C10orf143: variants seen among roughly 807,000 people sequenced by gnomAD.
C10orf143 encodes the protein chromosome 10 open reading frame 143, also known as uncharacterized protein C10orf143.
In C10orf143 at chr10:130,064,101, G is replaced by T. The variant is rs568269412; in HGVS notation, c.*253C>A. On this transcript the variant is annotated 3_prime_UTR_variant, in exon 4 of 4. Coordinates refer to ENST00000637128, the MANE Select transcript of C10orf143 (RefSeq NM_001355042.2). Reference sequence around the variant, plus strand: ...ATCTCCCTCTCAACCAGGAACATTCGAAAGGAGGCTGTAGTACGTAGTAAG... The same window carrying T: ...ATCTCCCTCTCAACCAGGAACATTCTAAAGGAGGCTGTAGTACGTAGTAAG... 167 of 355,082 alleles carry T rather than the reference G, an allele frequency of 4.7e-4. No individual in the cohort carries two copies. Among genetic ancestry groups the T allele is most frequent in the African/African-American group, 3.4e-3 (161 of 47,812 alleles). The allele number at this position is 355,082 out of a possible 1,614,324, so 22.0% of individuals were successfully genotyped here. A position where few individuals can be genotyped will look rare whatever the true frequency, so the allele number is the denominator to read the frequency against.
At chr10:130,038,192 AC>A (rs1280910935) in intron 3 of C10orf143, among the ~76,000 whole-genome samples, 2 of 152,128 alleles carry the variant, frequency 1.3e-5, no homozygotes, top group Admixed American at 6.5e-5. Flanking sequence ...GGAGGCATGG[AC>A]CCTGCAGCAA....
chr10:130,040,950 C>T (rs956399111), intron 3 of C10orf143, among the ~76,000 whole-genome samples: 3 of 152,288 alleles, frequency 2.0e-5, no homozygotes, highest in Admixed American at 6.5e-5. Context: ...GGAGCACTCC[C>T]GGGCATGAAC....
At chr10:130,037,121 T>C (rs1388859803) in intron 3 of C10orf143, among the ~76,000 whole-genome samples, 5 of 152,130 alleles carry the variant, frequency 3.3e-5, no homozygotes, top group African/African-American at 4.8e-5. Flanking sequence ...CAGATGACAC[T>C]GAAGAGTGCC....
intron 3 of C10orf143, among the ~76,000 whole-genome samples, chr10:130,052,086 AGTCTC>A (rs1860743487): frequency 2.1e-5 from 1 of 47,182 alleles, no homozygotes; most frequent in Non-Finnish European, 4.2e-5. Context: ...CCTAGTTAAG[AGTCTC>A]ATCTCCCTCT....
rs775472609 is a variant in C10orf143 at position 130,108,168 on chromosome 10, G to T, written c.69+2536C>A. Reference sequence around the variant, plus strand: ...CCACTGTTTCCAGTGGATACAAGGGGCCCGTTCATGAGAAGAGCACCTCCT... The same window carrying T: ...CCACTGTTTCCAGTGGATACAAGGGTCCCGTTCATGAGAAGAGCACCTCCT... On this transcript the variant is annotated intron_variant, in intron 1 of 3. Coordinates refer to ENST00000637128, the MANE Select transcript of C10orf143 (RefSeq NM_001355042.2). 13 of 1,577,584 alleles carry T rather than the reference G, an allele frequency of 8.2e-6. No homozygotes were observed. In the Admixed American group the frequency reaches 1.5e-4, roughly 18 times the overall value.
intron 1 of C10orf143, among the ~76,000 whole-genome samples, chr10:130,094,717 G>C (rs1861436457): frequency 6.6e-6 from 1 of 152,160 alleles, no homozygotes; most frequent in Admixed American, 6.5e-5. Context: ...GGTACTGATG[G>C]AATGTATTTC....
chr10:130,059,206 T>A (rs1860828262), downstream of C10orf143, among the ~76,000 whole-genome samples: 1 of 152,062 alleles, frequency 6.6e-6, no homozygotes, highest in South Asian at 2.1e-4. Context: ...TCATGTAATG[T>A]AGATGACCTT....
At chr10:130,077,304 CAGA>C (rs770413209) in intron 3 of C10orf143, among the ~76,000 whole-genome samples, 2 of 152,054 alleles carry the variant, frequency 1.3e-5, no homozygotes, top group Non-Finnish European at 2.9e-5. Context: ...AGCTTAGGAA[CAGA>C]AGGACCACCA....
chr10:130,036,329 G>C (rs1198697202), intron 3 of C10orf143, among the ~76,000 whole-genome samples: 1 of 152,188 alleles, frequency 6.6e-6, no homozygotes, highest in African/African-American at 2.4e-5. Flanking sequence ...GGCCCGATAG[G>C]TCATGGACAC....
downstream of C10orf143, among the ~76,000 whole-genome samples, chr10:130,062,168 C>T (rs1860864947): frequency 6.6e-6 from 1 of 152,150 alleles, no homozygotes; most frequent in Non-Finnish European, 1.5e-5. Flanking sequence ...ATGTTGCCAT[C>T]CCCCTTTTTA....
intron 1 of C10orf143, chr10:130,107,262 T>G (rs771764582): frequency 1.7e-6 from 2 of 1,204,496 alleles, no homozygotes; most frequent in Non-Finnish European, 2.5e-6. Context: ...AATAGCCGGT[T>G]AGAGAAAGAA....
chr10:130,055,180 A>C (rs1390706418), intron 3 of C10orf143, among the ~76,000 whole-genome samples: 1 of 152,240 alleles, frequency 6.6e-6, no homozygotes, highest in East Asian at 1.9e-4. Flanking sequence ...AACAGAGAGA[A>C]GGTTTCATGA....
At chr10:130,058,210 C>A (rs1860816091) in intron 3 of C10orf143, among the ~76,000 whole-genome samples, 1 of 152,284 alleles carries the variant, frequency 6.6e-6, no homozygotes. Flanking sequence ...AGACACCCAC[C>A]CCTACTCCAC....
downstream of C10orf143, among the ~76,000 whole-genome samples, chr10:130,061,890 G>A (rs1052272006): frequency 6.6e-6 from 1 of 152,140 alleles, no homozygotes; most frequent in Non-Finnish European, 1.5e-5. Context: ...TTGGGCTGGA[G>A]AGCAGAGACC....
At chr10:130,109,490 A>G (rs1473622650) in intron 1 of C10orf143, among the ~76,000 whole-genome samples, 1 of 152,176 alleles carries the variant, frequency 6.6e-6, no homozygotes, top group Admixed American at 6.5e-5. Flanking sequence ...CAGGAGAATC[A>G]AACTTCCATC....
chr10:130,086,443 C>T (rs74776577), intron 1 of C10orf143, among the ~76,000 whole-genome samples: 1 of 152,178 alleles, frequency 6.6e-6, no homozygotes, highest in East Asian at 1.9e-4. Context: ...TTACAGTAAT[C>T]GTATTAATCA....
At chr10:130,041,418 T>A (rs1860605597) in intron 3 of C10orf143, among the ~76,000 whole-genome samples, 1 of 152,174 alleles carries the variant, frequency 6.6e-6, no homozygotes, top group African/African-American at 2.4e-5. Context: ...AGTGATAGGT[T>A]TTGCCAAATT....
intron 3 of C10orf143, among the ~76,000 whole-genome samples, chr10:130,046,012 G>A (rs1246589002): frequency 1.3e-5 from 2 of 152,014 alleles, no homozygotes; most frequent in Non-Finnish European, 2.9e-5. Context: ...GGGGCTGGGC[G>A]TGGGGCACGT....
At chr10:130,064,600 G>A (rs1487091088) in intron 3 of C10orf143, among the ~76,000 whole-genome samples, 2 of 152,110 alleles carry the variant, frequency 1.3e-5, no homozygotes, top group Non-Finnish European at 2.9e-5. Flanking sequence ...CTGGTACACA[G>A]AAGACTTTCA....
Sources: gnomAD v4.1 joint callset for allele counts (sites outside exome capture counted in the v4.1 genomes callset) on GRCh38, gnomAD v4.1.1 for gene constraint, MANE v1.5 for transcripts, NCBI Gene and HGNC (gene_info 2026-07-23, HGNC 2026-07-21) for gene names.